Variants in CNTN3 observed in about 807,000 individuals in gnomAD.
CNTN3 encodes the protein contactin-3.
CNTN3 carries 60 observed loss-of-function variants against 119.1 expected under a neutral mutation model. That is an observed-to-expected ratio of 0.50 (90% CI 0.41 to 0.62). CNTN3 has a LOEUF of 0.62. CNTN3 is among the 20% of genes least tolerant of loss of function. CNTN3 has a pLI of 0.00. For missense variants in CNTN3, 1,101 were observed against 1,242.4 expected, an observed-to-expected ratio of 0.89 and a Z score of 1.71; for synonymous variants, 450 against 438.7, an observed-to-expected ratio of 1.03 and a Z score of -0.32.
chr3:74,434,960 C>T (rs1184554653), intron 4 of CNTN3, among the ~76,000 whole-genome samples: 1 of 152,088 alleles, frequency 6.6e-6, no homozygotes, highest in African/African-American at 2.4e-5. Context: ...CTGCATTTTC[C>T]TATGTTCTTG....
At chr3:74,601,477 G>A (rs765296280) in intron 1 of CNTN3, among the ~76,000 whole-genome samples, 3 of 152,018 alleles carry the variant, frequency 2.0e-5, no homozygotes, top group East Asian at 1.9e-4. Flanking sequence ...TCTCACAAAC[G>A]GCTCCTTCAC....
chr3:74,543,291 A>G (rs1362221042), intron 1 of CNTN3, among the ~76,000 whole-genome samples: 2 of 152,228 alleles, frequency 1.3e-5, no homozygotes, highest in East Asian at 3.9e-4. Context: ...AAACTAGCGT[A>G]TCATTTATTG....
At chr3:74,573,326 T>A (rs1382700750) in intron 1 of CNTN3, among the ~76,000 whole-genome samples, 2 of 151,574 alleles carry the variant, frequency 1.3e-5, no homozygotes. Context: ...CCCACTCCCA[T>A]CCCATGCCAA....
chr3:74,530,465 T>C (rs1053163733), intron 1 of CNTN3, among the ~76,000 whole-genome samples: 2 of 151,892 alleles, frequency 1.3e-5, no homozygotes, highest in African/African-American at 2.4e-5. Context: ...TACTCCTTTT[T>C]AAGTTGCACT....
At chr3:74,509,313 CTTTTT>C (rs11318453) in intron 2 of CNTN3, among the ~76,000 whole-genome samples, 4 of 117,138 alleles carry the variant, frequency 3.4e-5, no homozygotes, top group Admixed American at 8.6e-5. Context: ...CCTTTCCTTT[CTTTTT>C]TTTTTTTTTT....
At chr3:74,272,781 A>G (rs2106754401) in intron 20 of CNTN3, among the ~76,000 whole-genome samples, 1 of 152,286 alleles carries the variant, frequency 6.6e-6, no homozygotes, top group Non-Finnish European at 1.5e-5. Flanking sequence ...ACAAACAAAG[A>G]GGGAGCAGGT....
chr3:74,591,305 A>G (rs894898148), intron 1 of CNTN3, among the ~76,000 whole-genome samples: 2 of 152,034 alleles, frequency 1.3e-5, no homozygotes, highest in African/African-American at 4.8e-5. Context: ...CTCCAAGAAG[A>G]GCAACTGAAG....
intron 1 of CNTN3, among the ~76,000 whole-genome samples, chr3:74,522,783 GA>G (rs59747912): frequency 7.3e-4 from 107 of 146,910 alleles, no homozygotes; most frequent in Middle Eastern, 3.5e-3. Context: ...GTGGAAAAAG[GA>G]AAAAAAAAAG....
intron 1 of CNTN3, among the ~76,000 whole-genome samples, chr3:74,558,290 A>C (rs1704100668): frequency 6.6e-6 from 1 of 152,124 alleles, no homozygotes; most frequent in Non-Finnish European, 1.5e-5. Context: ...ATTTTCACAC[A>C]GGAGTTGATC....
chr3:74,351,515 A>G (rs750468017), intron 11 of CNTN3, among the ~76,000 whole-genome samples: 12 of 152,206 alleles, frequency 7.9e-5, no homozygotes, highest in Non-Finnish European at 1.5e-4. Context: ...TCTGACCCAC[A>G]TCTTTCTGAT....
intron 1 of CNTN3, among the ~76,000 whole-genome samples, chr3:74,579,281 A>G (rs534358295): frequency 1.1e-4 from 17 of 152,178 alleles, no homozygotes; most frequent in African/African-American, 3.6e-4. Context: ...TCTAAAGAGA[A>G]AAATTGAAAA....
At chr3:74,595,531 C>T (rs865857762) in intron 1 of CNTN3, among the ~76,000 whole-genome samples, 16 of 152,098 alleles carry the variant, frequency 1.1e-4, no homozygotes, top group African/African-American at 3.9e-4. Flanking sequence ...AAGGCTGGTT[C>T]AATATATGCG....
intron 1 of CNTN3, among the ~76,000 whole-genome samples, chr3:74,579,074 T>C (rs918904299): frequency 6.6e-6 from 1 of 151,938 alleles, no homozygotes; most frequent in East Asian, 1.9e-4. Context: ...AAAATTTCCA[T>C]GTAAACAATC....
intron 4 of CNTN3, among the ~76,000 whole-genome samples, chr3:74,456,047 C>T (rs997458472): frequency 3.3e-5 from 5 of 152,130 alleles, no homozygotes; most frequent in African/African-American, 7.2e-5. Flanking sequence ...AGAATAATCT[C>T]CAAAACTGTA....
chr3:74,559,361 C>T (rs1306219393), intron 1 of CNTN3, among the ~76,000 whole-genome samples: 2 of 152,068 alleles, frequency 1.3e-5, no homozygotes, highest in African/African-American at 2.4e-5. Flanking sequence ...ACGATTCTTC[C>T]GCAGTGAAGG....
At chr3:74,516,052 C>T (rs1036159201) in intron 2 of CNTN3, among the ~76,000 whole-genome samples, 1 of 151,926 alleles carries the variant, frequency 6.6e-6, no homozygotes, top group Non-Finnish European at 1.5e-5. Flanking sequence ...GTACAACACA[C>T]CATACAGATG....
intron 3 of CNTN3, among the ~76,000 whole-genome samples, chr3:74,499,446 G>A (rs1436138314): frequency 6.6e-6 from 1 of 151,834 alleles, no homozygotes; most frequent in Non-Finnish European, 1.5e-5. Context: ...ATTTACTTTA[G>A]GGATTCTGCC....
chr3:74,409,306 T>G (rs941496621), intron 5 of CNTN3, among the ~76,000 whole-genome samples: 26 of 152,132 alleles, frequency 1.7e-4, no homozygotes, highest in African/African-American at 1.7e-4. Flanking sequence ...ATAAGTAAGG[T>G]GAATGCCTGA....
chr3:74,458,246 T>C (rs2106966132), intron 4 of CNTN3, among the ~76,000 whole-genome samples: 1 of 152,116 alleles, frequency 6.6e-6, no homozygotes, highest in South Asian at 2.1e-4. Context: ...ATAAAGTCAT[T>C]AATAATAAAA....
Sources: gnomAD v4.1 joint callset for allele counts (sites outside exome capture counted in the v4.1 genomes callset) on GRCh38, gnomAD v4.1.1 for gene constraint, MANE v1.5 for transcripts, NCBI Gene and HGNC (gene_info 2026-07-23, HGNC 2026-07-21) for gene names.